The following GLB1L3 variants were observed in gnomAD, a reference collection of about 807,000 sequenced individuals.
The protein encoded by GLB1L3 is beta-galactosidase-1-like protein 3.
A neutral mutation model predicts 89.5 loss-of-function variants in GLB1L3; 89 were observed. The observed-to-expected ratio is 0.99, with a 90% confidence interval of 0.84 to 1.19. The LOEUF (loss-of-function observed/expected upper bound fraction) is 1.19, where lower values mean the gene tolerates loss of function less well. Ranked by LOEUF, GLB1L3 falls within the 50% of genes most tolerant of loss-of-function variation. The pLI, the probability that GLB1L3 is intolerant of heterozygous loss-of-function variation, is 0.00. For synonymous variants in GLB1L3, 314 were observed against 312.3 expected, an observed-to-expected ratio of 1.01 and a Z score of -0.06; for missense variants, 812 against 813.3, an observed-to-expected ratio of 1.00 and a Z score of 0.02.
downstream of GLB1L3, among the ~76,000 whole-genome samples, chr11:134,321,822 G>A (rs1364287884): frequency 6.6e-6 from 1 of 152,116 alleles, no homozygotes; most frequent in African/African-American, 2.4e-5. Context: ...TAATGTAAAT[G>A]AGGAGTTAAT....
chr11:134,314,955 A>G (rs1942916982), intron 18 of GLB1L3, among the ~76,000 whole-genome samples: 1 of 152,232 alleles, frequency 6.6e-6, no homozygotes. Context: ...AGATCAACAA[A>G]TGATCACAAA....
chr11:134,308,312 TAC>T (rs1942389885), intron 10 of GLB1L3, among the ~76,000 whole-genome samples: 1 of 19,616 alleles, frequency 5.1e-5, no homozygotes, highest in African/African-American at 2.7e-4. Flanking sequence ...CCACCACCAC[TAC>T]CACCACCATC....
chr11:134,276,958 C>A (rs1356266641), intron 1 of GLB1L3, among the ~76,000 whole-genome samples, 195 bp downstream of exon 1: 1 of 152,218 alleles, frequency 6.6e-6, no homozygotes, highest in Non-Finnish European at 1.5e-5. Context: ...GGGCCGTTCA[C>A]CAGATGCCAG....
At chr11:134,285,603 T>C (rs550304455) in intron 6 of GLB1L3, among the ~76,000 whole-genome samples, 4 of 151,900 alleles carry the variant, frequency 2.6e-5, no homozygotes, top group East Asian at 1.9e-4. Context: ...CTGAGCAACA[T>C]AGTGAGACCA....
At position 134,311,175 on chromosome 11, in the gene GLB1L3, G is replaced by A. The variant is rs1178998050; in HGVS notation, c.1287+5G>A. The A allele has an allele frequency of 5.6e-6, 9 of 1,607,618 alleles. No individual in the cohort carries two copies. The highest frequency in any genetic ancestry group is 1.3e-5 in the African/African-American group (1 of 74,786). On this transcript the variant is annotated splice_donor_5th_base_variant and intron_variant, in intron 13 of 19. Transcript: ENST00000431683. ...GCCCTATCCTACTTAAATGAGGTGC[G>A]TGCTGCCTGGCCACAGGAGGCGGAG... is the stretch of plus-strand genomic sequence containing the variant.
Position 134,277,411 on chromosome 11 carries a change from G to A in GLB1L3, c.109G>A (p.Glu37Lys), listed in dbSNP as rs200184626. 280 of 1,613,954 alleles carry A rather than the reference G, an allele frequency of 1.7e-4. 1 individual carries two copies. In the African/African-American group the frequency reaches 3.3e-3, roughly 19 times the overall value. The change falls in exon 2 of 20, where the codon GAG becomes AAG. Residue 37 changes from glutamate (E) to lysine (K), a missense_variant. Transcript: ENST00000431683. ...SGFAPRFKQE[E>K]NFMLGRAHPS... The stretch of plus-strand genomic sequence containing the variant: ...TTTTGCTCCTCGGTTTAAGCAGGAA[G>A]AGAACTTCATGCTTGGAAGAGCGCA...
In GLB1L3 at chr11:134,312,898, TGA is replaced by T. The variant is rs1565419758; in HGVS notation, c.1500+15_1500+16del. ...ATTCCTGAACTCAGGGTATGTAATT[TGA>T]GAGTCCAGGTGATGCCCTCGACCCC... is the stretch of plus-strand genomic sequence containing the variant. On this transcript the variant is annotated intron_variant, in intron 15 of 19. Transcript: ENST00000431683. 6.3e-7 allele frequency: 1 copy of T among 1,581,740 alleles called. No individual in the cohort carries two copies. Among genetic ancestry groups the T allele is most frequent in the East Asian group, 2.2e-5 (1 of 44,596 alleles).
At chr11:134,300,244 T>A (rs1400342197) in intron 9 of GLB1L3, among the ~76,000 whole-genome samples, 1 of 151,914 alleles carries the variant, frequency 6.6e-6, no homozygotes, top group Non-Finnish European at 1.5e-5. Context: ...CCTCACATGA[T>A]CTCTTCTCTG....
chr11:134,308,521 G>T (rs1188470968), intron 10 of GLB1L3, among the ~76,000 whole-genome samples: 1 of 16,882 alleles, frequency 5.9e-5, no homozygotes, highest in African/African-American at 1.7e-4. Flanking sequence ...CCACCACCAT[G>T]TCCACCACCA....
At chr11:134,321,598 G>A (rs534026533), downstream of GLB1L3, among the ~76,000 whole-genome samples, 16 of 152,234 alleles carry the variant, frequency 1.1e-4, no homozygotes, top group East Asian at 2.1e-3. Flanking sequence ...CATAAAAAAG[G>A]AGGAGTTCAT....
At chr11:134,291,829 G>C (rs1941377682) in intron 7 of GLB1L3, among the ~76,000 whole-genome samples, 1 of 152,128 alleles carries the variant, frequency 6.6e-6, no homozygotes, top group Non-Finnish European at 1.5e-5. Flanking sequence ...AAAAAAATTA[G>C]CTGGACATGG....
At chr11:134,293,956 C>T (rs1048375437) in intron 9 of GLB1L3, among the ~76,000 whole-genome samples, 10 of 152,194 alleles carry the variant, frequency 6.6e-5, no homozygotes, top group Non-Finnish European at 1.3e-4. Context: ...CCTTCCATTC[C>T]AGCACACTGC....
chr11:134,295,857 C>T (rs73028645), intron 9 of GLB1L3, among the ~76,000 whole-genome samples: 1 of 152,216 alleles, frequency 6.6e-6, no homozygotes, highest in Non-Finnish European at 1.5e-5. Flanking sequence ...TCCCTTGAGA[C>T]TTTCTTTATT....
intron 6 of GLB1L3, among the ~76,000 whole-genome samples, chr11:134,287,559 C>T (rs1941087423): frequency 6.6e-6 from 1 of 152,234 alleles, no homozygotes; most frequent in African/African-American, 2.4e-5. Flanking sequence ...TTAGAAGTCT[C>T]ACCCTTCGGG....
chr11:134,293,083 C>T (rs1442730095), intron 8 of GLB1L3, 62 bp from the exon 9 acceptor site: 14 of 1,425,130 alleles, frequency 9.8e-6, no homozygotes, highest in Non-Finnish European at 1.4e-5. Flanking sequence ...GGGGCGCATT[C>T]CTTCCCTTCC....
chr11:134,321,922 A>AG (rs527996747), downstream of GLB1L3, among the ~76,000 whole-genome samples: 1 of 150,028 alleles, frequency 6.7e-6, no homozygotes, highest in African/African-American at 2.5e-5. Context: ...GTATAATAAA[A>AG]AAAAAAGTAC....
intron 9 of GLB1L3, among the ~76,000 whole-genome samples, chr11:134,300,331 ATTT>A (rs3065410): frequency 0.53 from 70,188 of 131,656 alleles, 18,729 homozygotes; most frequent in South Asian, 0.69. Flanking sequence ...TATTGACCAC[ATTT>A]TTTTTTTTTT....
intron 9 of GLB1L3, 29 bp downstream of exon 9, chr11:134,293,238 A>G: frequency 5.1e-6 from 8 of 1,570,306 alleles, no homozygotes; most frequent in Non-Finnish European, 7.0e-6. Context: ...GCAGGGTTTT[A>G]CAGCTCCTCC....
chr11:134,307,182 A>T lies in GLB1L3; in HGVS notation c.935A>T (p.Asp312Val). ...GTCGGCTGGTTCGACAGATGGGGAG[A>T]TAAGCACCATGTTAAAGATGCAAAG... ...YWVGWFDRWG[D>V]KHHVKDAKEV... Residue 312 changes from aspartate (D) to valine (V), a missense_variant, in exon 10 of 20, where the codon GAT becomes GTT. Around this residue, in one of 3 missense-constraint regions of GLB1L3, gnomAD observed 618 missense variants for 604.0 expected, o/e 1.02. Transcript: ENST00000431683. 1 of 1,613,464 alleles carries T rather than the reference A, an allele frequency of 6.2e-7. No homozygotes were observed. The highest frequency in any genetic ancestry group is 8.5e-7 in the Non-Finnish European group (1 of 1,179,576).
Sources: allele counts gnomAD v4.1 joint callset (sites outside exome capture counted in the v4.1 genomes callset), GRCh38; gene constraint gnomAD v4.1.1; regional missense constraint gnomAD v4.1.1; transcripts MANE v1.5; gene names NCBI Gene and HGNC (gene_info 2026-07-23, HGNC 2026-07-21).